The following ZNF365 variants were observed in gnomAD, a reference collection of about 807,000 sequenced individuals.
ZNF365 encodes the protein zinc finger protein 365, also known as protein ZNF365.
ZNF365 carries 22 observed loss-of-function variants against 35.0 expected under a neutral mutation model. The observed-to-expected ratio is 0.63, with a 90% CI of 0.45 to 0.90. The LOEUF is 0.90. Ranked by LOEUF, ZNF365 falls within the 40% of genes least tolerant of loss-of-function variation. ZNF365 has a pLI of 0.00. For synonymous variants in ZNF365, 188 were observed against 196.2 expected (o/e 0.96, Z 0.35); for missense variants, 448 against 500.3 (o/e 0.90, Z 1.00).
At chr10:62,392,279 T>A (rs528368054) in intron 3 of ZNF365, among the ~76,000 whole-genome samples, 3 of 152,352 alleles carry the variant, frequency 2.0e-5, no homozygotes, top group African/African-American at 7.2e-5. Context: ...TTTGTTGCAT[T>A]TGCTTTTGGG....
intron 4 of ZNF365, among the ~76,000 whole-genome samples, chr10:62,468,949 A>G (rs989018590): frequency 6.6e-6 from 1 of 152,220 alleles, no homozygotes; most frequent in African/African-American, 2.4e-5. Flanking sequence ...ATCCTGAAAC[A>G]CTTCTTTGAA....
In ZNF365 at chr10:62,376,885, T is replaced by TA. The variant is rs768160921; in HGVS notation, c.693dup (p.Leu232ThrfsTer9). On this transcript the variant is annotated frameshift_variant, in exon 2 of 5. Transcript: ENST00000395254. LOFTEE classifies it high-confidence loss of function. Reference sequence around the variant, plus strand: ...GACGTGGCCGTGGAAATGATAGCTGTACTGAGGCAACGCCTGACGGAATCT... The same window carrying TA: ...GACGTGGCCGTGGAAATGATAGCTGTAACTGAGGCAACGCCTGACGGAATCT... 6.2e-7 allele frequency: 1 copy of TA among 1,613,962 alleles called. No individual in the cohort carries two copies.
intron 3 of ZNF365, among the ~76,000 whole-genome samples, chr10:62,417,250 A>G (rs905159446): frequency 1.3e-5 from 2 of 152,090 alleles, no homozygotes; most frequent in African/African-American, 4.8e-5. Context: ...AATGCTGATT[A>G]TTACTGTGCA....
chr10:62,434,727 G>A (rs1440631121), intron 3 of ZNF365, among the ~76,000 whole-genome samples: 3 of 152,160 alleles, frequency 2.0e-5, no homozygotes, highest in Admixed American at 6.5e-5. Flanking sequence ...CAAAATTAGT[G>A]TTGTCATTGC....
At chr10:62,447,588 G>A (rs1269613168) in intron 3 of ZNF365, among the ~76,000 whole-genome samples, 1 of 152,218 alleles carries the variant, frequency 6.6e-6, no homozygotes, top group African/African-American at 2.4e-5. Flanking sequence ...CCTCATCATA[G>A]TGCAGGACTC....
chr10:62,477,549 T>C (rs1353183721), intron 4 of ZNF365, among the ~76,000 whole-genome samples: 1 of 152,198 alleles, frequency 6.6e-6, no homozygotes, highest in African/African-American at 2.4e-5. Flanking sequence ...ATCTTTACAT[T>C]ATCTTAATAT....
At chr10:62,446,295 TC>T (rs80218252) in intron 3 of ZNF365, among the ~76,000 whole-genome samples, 2,594 of 152,294 alleles carry the variant, frequency 0.017, 30 homozygotes, top group East Asian at 0.081. Context: ...GAAAGCACCA[TC>T]TCTGACTTTG....
intron 3 of ZNF365, among the ~76,000 whole-genome samples, chr10:62,408,032 A>G (rs1839930223): frequency 2.0e-5 from 3 of 152,208 alleles, no homozygotes. Flanking sequence ...GCTAGTCAGC[A>G]TACAAATCAC....
In ZNF365 at chr10:62,463,428, G is replaced by A. The variant is rs543362835; in HGVS notation, c.981+3631G>A. Reference sequence around the variant, plus strand: ...GTAATTGCCCTCTGGGCTCAAAAGAGCATCCCACTAAGCCATTGAAATGTT... The same window carrying A: ...GTAATTGCCCTCTGGGCTCAAAAGAACATCCCACTAAGCCATTGAAATGTT... On this transcript the variant is annotated intron_variant, in intron 4 of 4. Transcript: ENST00000395255. Among the ~76,000 whole-genome samples the A allele has an allele frequency of 5.3e-5, 8 of 152,334 alleles. No homozygotes were observed. The East Asian group carries it at 1.5e-3, about 29-fold the overall frequency.
chr10:62,426,173 T>A (rs1357951387), intron 3 of ZNF365, among the ~76,000 whole-genome samples: 1 of 152,128 alleles, frequency 6.6e-6, no homozygotes, highest in Non-Finnish European at 1.5e-5. Context: ...GTCTTTCTAA[T>A]CCTTGACTCC....
rs1351816381 is a variant in ZNF365 at position 62,376,349 on chromosome 10, C to G, written c.156C>G (p.Ser52Arg). Residue 52 changes from serine to arginine, a missense_variant, in exon 2 of 5, where the codon AGC becomes AGG. Around this residue, in one of 3 missense-constraint regions of ZNF365, gnomAD observed 76 missense variants for 96.7 expected, o/e 0.79. Coordinates refer to ENST00000395254, the MANE Select transcript of ZNF365 (RefSeq NM_014951.3). ...GGGCCCATCTGGAGTTCAGTCACAG[C>G]TACGAAGAAAGAACCCTCTTGACAA... is the stretch of plus-strand genomic sequence containing the variant. The part of the protein sequence containing the change: ...SLRAHLEFSH[S>R]YEERTLLTKC... 23 of 1,614,062 alleles carry G rather than the reference C, an allele frequency of 1.4e-5. No individual in the cohort carries two copies. Among genetic ancestry groups the G allele is most frequent in the Non-Finnish European group, 1.9e-5 (22 of 1,180,050 alleles).
intron 3 of ZNF365, among the ~76,000 whole-genome samples, chr10:62,450,922 T>C (rs1337000508): frequency 2.6e-5 from 4 of 152,226 alleles, no homozygotes; most frequent in African/African-American, 9.6e-5. Flanking sequence ...TCATCACATA[T>C]AGTTAAGACA....
At chr10:62,432,554 A>G (rs114743371) in intron 3 of ZNF365, among the ~76,000 whole-genome samples, 1,672 of 152,258 alleles carry the variant, frequency 0.011, 29 homozygotes, top group African/African-American at 0.039. Flanking sequence ...GACCATTGAC[A>G]TTTCCTGGGT....
At position 62,388,513 on chromosome 10, in the gene ZNF365, G is replaced by T. The variant is rs1352095003; in HGVS notation, c.861G>T (p.Lys287Asn). 2.5e-6 allele frequency: 4 copies of T among 1,614,178 alleles called. No individual in the cohort carries two copies. The highest frequency in any genetic ancestry group is 3.4e-6 in the Non-Finnish European group (4 of 1,180,036). ...NLLQRVELAE[K>N]QLEYYQSQQA... ...TACAGCGGGTAGAACTGGCGGAGAA[G>T]CAGCTTGAGTACTATCAGAGCCAGC... The change falls in exon 3 of 5, where the codon AAG (lysine) becomes AAT (asparagine). Residue 287 changes from lysine (K) to asparagine (N), a missense_variant. By Grantham distance (94) the Lys-to-Asn change is moderately conservative. This residue lies in a region of ZNF365 where 362 missense variants were observed against 375.7 expected (regional missense o/e 0.96). Transcript: ENST00000395254.
chr10:62,381,575 G>A (rs1382165059), intron 2 of ZNF365, among the ~76,000 whole-genome samples: 1 of 152,048 alleles, frequency 6.6e-6, no homozygotes, highest in Admixed American at 6.6e-5. Context: ...TATTTTGAGA[G>A]GGCTGCCATG....
chr10:62,468,095 G>A (rs1008624687), intron 4 of ZNF365, among the ~76,000 whole-genome samples: 11 of 152,036 alleles, frequency 7.2e-5, no homozygotes, highest in African/African-American at 2.2e-4. Context: ...TTTATGAGTC[G>A]CTTTAAGATT....
In ZNF365 at chr10:62,479,969, C is replaced by A. The variant is rs1841196642; in HGVS notation, c.*73C>A. ...TCGCAAATTAATTGTGCCAGAGAAGCTTTCATTCATTCAACAAATATTTAT... is the reference window on the plus strand; with the variant it reads ...TCGCAAATTAATTGTGCCAGAGAAGATTTCATTCATTCAACAAATATTTAT... On this transcript the variant is annotated 3_prime_UTR_variant, in exon 5 of 5. Coordinates refer to the ZNF365 transcript ENST00000395255. 3 of 1,601,580 alleles carry A rather than the reference C, an allele frequency of 1.9e-6. No homozygotes were observed. In the African/African-American group the frequency reaches 4.0e-5, roughly 22 times the overall value.
intron 2 of ZNF365, among the ~76,000 whole-genome samples, chr10:62,386,345 T>G (rs1412413664): frequency 6.6e-6 from 1 of 152,192 alleles, no homozygotes; most frequent in African/African-American, 2.4e-5. Context: ...AACTTGAAAC[T>G]TGACGATGAA....
chr10:62,480,096 T>G, exon 5 of ZNF365: 1 of 1,325,148 alleles, frequency 7.5e-7, no homozygotes, highest in Non-Finnish European at 9.9e-7. Flanking sequence ...GAGCTCCAGG[T>G]CCTCCCTAAC....
Sources: gnomAD v4.1 joint callset for allele counts (sites outside exome capture counted in the v4.1 genomes callset) on GRCh38, gnomAD v4.1.1 for gene constraint, gnomAD v4.1.1 regional missense constraint, MANE v1.5 for transcripts, NCBI Gene and HGNC (gene_info 2026-07-23, HGNC 2026-07-21) for gene names.